TESK2: variants seen among roughly 807,000 people sequenced by gnomAD.
TESK2 encodes dual specificity testis-specific protein kinase 2.
A neutral mutation model predicts 57.1 loss-of-function variants in TESK2; 39 were observed. The ratio of observed to expected loss-of-function variants is 0.68; its 90% CI spans 0.53 to 0.89. TESK2 has a LOEUF of 0.89. Among genes scored for constraint, TESK2 ranks in the 40% least tolerant of loss-of-function variants. The probability of loss-of-function intolerance (pLI) is 0.00; values close to 1 mark genes in which losing one functional copy is unlikely to be tolerated. For missense variants in TESK2, 646 were observed against 732.1 expected, an observed-to-expected ratio of 0.88 and a Z score of 1.36; for synonymous variants, 249 against 267.9, an observed-to-expected ratio of 0.93 and a Z score of 0.69.
chr1:45,458,304 C>T (rs539391407), intron 1 of TESK2, among the ~76,000 whole-genome samples: 1 of 152,198 alleles, frequency 6.6e-6, no homozygotes, highest in Admixed American at 6.5e-5. Context: ...GTGGCTCACG[C>T]CTGTAATCCC....
At chr1:45,374,315 A>G (rs555436956) in intron 4 of TESK2, among the ~76,000 whole-genome samples, 1 of 152,352 alleles carries the variant, frequency 6.6e-6, no homozygotes, top group East Asian at 1.9e-4. Flanking sequence ...AGCAGTGAAC[A>G]ATAGCCAAGC....
At chr1:45,400,657 T>C (rs558052044) in intron 3 of TESK2, among the ~76,000 whole-genome samples, 16 of 152,272 alleles carry the variant, frequency 1.1e-4, no homozygotes, top group African/African-American at 3.6e-4. Context: ...AAATTCACGG[T>C]TCTGTATAAA....
intron 2 of TESK2, among the ~76,000 whole-genome samples, chr1:45,430,688 G>A (rs1003029637): frequency 1.3e-5 from 2 of 152,164 alleles, no homozygotes; most frequent in African/African-American, 4.8e-5. Flanking sequence ...TTTTGGGTTT[G>A]TGGTGGCTGA....
At position 45,356,353 on chromosome 1, in the gene TESK2, G is replaced by C. The variant is rs556719696; in HGVS notation, c.394-904C>G. Among the ~76,000 whole-genome samples the C allele has an allele frequency of 3.3e-5, 5 of 152,252 alleles. No individual in the cohort carries two copies. The South Asian group carries it at 1.0e-3, about 32-fold the overall frequency. On this transcript the variant is annotated intron_variant, in intron 4 of 10. Coordinates refer to ENST00000372086, the MANE Select transcript of TESK2 (RefSeq NM_007170.3). ...CAATGTTAAAAGAGAGTGAGTTCAG[G>C]CCAGGTGTGGTGACTCATGCCTGTA...
chr1:45,351,693 C>T (rs1440650216), intron 5 of TESK2, among the ~76,000 whole-genome samples: 1 of 152,206 alleles, frequency 6.6e-6, no homozygotes, highest in East Asian at 1.9e-4. Flanking sequence ...AGACTGGGAG[C>T]ACGGAGGTTC....
chr1:45,483,557 A>T (rs1421627479), intron 1 of TESK2, among the ~76,000 whole-genome samples: 1 of 151,766 alleles, frequency 6.6e-6, no homozygotes, highest in African/African-American at 2.4e-5. Flanking sequence ...GTGCCATTGC[A>T]CTACAGCCTG....
At chr1:45,426,113 T>C (rs1650680263) in intron 2 of TESK2, among the ~76,000 whole-genome samples, 1 of 152,090 alleles carries the variant, frequency 6.6e-6, no homozygotes, top group South Asian at 2.1e-4. Flanking sequence ...ATTGCACCAC[T>C]GCACTCCAGC....
intron 4 of TESK2, among the ~76,000 whole-genome samples, chr1:45,364,542 G>C (rs1647827585): frequency 6.6e-6 from 1 of 152,192 alleles, no homozygotes; most frequent in African/African-American, 2.4e-5. Flanking sequence ...TTTCTGCTAT[G>C]TCACCCACAT....
At chr1:45,489,473 ATACCCACAGTGAT>A (rs1653627374) in intron 1 of TESK2, among the ~76,000 whole-genome samples, 1 of 152,222 alleles carries the variant, frequency 6.6e-6, no homozygotes, top group Non-Finnish European at 1.5e-5. Context: ...AAATTTCCAG[ATACCCACAGTGAT>A]ATTTCAAAAC....
chr1:45,449,273 T>C (rs897796765), intron 2 of TESK2, among the ~76,000 whole-genome samples: 6 of 151,794 alleles, frequency 4.0e-5, no homozygotes, highest in Non-Finnish European at 8.8e-5. Flanking sequence ...ACTGCCACTT[T>C]GGAAGAGTTT....
At chr1:45,394,584 C>T (rs935365062) in intron 3 of TESK2, among the ~76,000 whole-genome samples, 11 of 148,618 alleles carry the variant, frequency 7.4e-5, no homozygotes, top group Admixed American at 3.4e-4. Context: ...ATGCTGATGT[C>T]GCTTGGTCTA....
chr1:45,481,069 A>G (rs988549600), intron 1 of TESK2, among the ~76,000 whole-genome samples: 1 of 151,758 alleles, frequency 6.6e-6, no homozygotes, highest in Non-Finnish European at 1.5e-5. Context: ...TCTAAGATAT[A>G]TAAAGTAAAT....
chr1:45,484,253 C>A (rs1653364063), intron 1 of TESK2, among the ~76,000 whole-genome samples: 1 of 151,842 alleles, frequency 6.6e-6, no homozygotes, highest in Non-Finnish European at 1.5e-5. Context: ...AGATTACAGG[C>A]ACCTGCCACC....
intron 2 of TESK2, among the ~76,000 whole-genome samples, chr1:45,447,800 G>A (rs941503889): frequency 2.0e-5 from 3 of 151,934 alleles, no homozygotes; most frequent in Non-Finnish European, 4.4e-5. Flanking sequence ...TATTACAACA[G>A]GTACACAATG....
intron 1 of TESK2, among the ~76,000 whole-genome samples, chr1:45,482,102 CT>C (rs1353533249): frequency 6.6e-6 from 1 of 152,220 alleles, no homozygotes; most frequent in African/African-American, 2.4e-5. Context: ...AAAAAGTGAT[CT>C]CTCAAGGTTC....
At chr1:45,369,165 T>C (rs1276789176) in intron 4 of TESK2, among the ~76,000 whole-genome samples, 21 of 152,164 alleles carry the variant, frequency 1.4e-4, no homozygotes, top group Non-Finnish European at 1.5e-5. Flanking sequence ...CCTAGGAGTG[T>C]ACATTTATGT....
chr1:45,435,332 T>G (rs1651152232), intron 2 of TESK2, among the ~76,000 whole-genome samples: 1 of 152,234 alleles, frequency 6.6e-6, no homozygotes, highest in South Asian at 2.1e-4. Context: ...TTTCACCACG[T>G]TGGCCAGGCT....
At chr1:45,392,877 T>C (rs1649207152) in intron 3 of TESK2, among the ~76,000 whole-genome samples, 1 of 152,158 alleles carries the variant, frequency 6.6e-6, no homozygotes, top group Admixed American at 6.5e-5. Context: ...GTCTCATTTG[T>C]TTCTATATAC....
At chr1:45,428,932 C>T (rs1650831617) in intron 2 of TESK2, among the ~76,000 whole-genome samples, 1 of 145,842 alleles carries the variant, frequency 6.9e-6, no homozygotes, top group Non-Finnish European at 1.5e-5. Context: ...CGCCATTCTC[C>T]TGCCTCAGCC....
Sources: allele counts gnomAD v4.1 joint callset (sites outside exome capture counted in the v4.1 genomes callset), GRCh38; gene constraint gnomAD v4.1.1; transcripts MANE v1.5; gene names NCBI Gene and HGNC (gene_info 2026-07-23, HGNC 2026-07-21).